Variants in FSTL4 observed in about 807,000 individuals in gnomAD.
The protein encoded by FSTL4 is follistatin-related protein 4.
In FSTL4, 28 loss-of-function variants were observed where a neutral mutation model predicts 78.2. That is an observed-to-expected ratio of 0.36 (90% CI 0.27 to 0.49). The LOEUF (loss-of-function observed/expected upper bound fraction) is 0.49. Ranked by LOEUF, FSTL4 falls within the 20% of genes least tolerant of loss-of-function variation. The probability of loss-of-function intolerance (pLI) is 0.98; values close to 1 mark genes in which losing one functional copy is unlikely to be tolerated. For synonymous variants in FSTL4, 422 were observed against 440.5 expected, an observed-to-expected ratio of 0.96 and a Z score of 0.53; for missense variants, 922 against 1,084.9, an observed-to-expected ratio of 0.85 and a Z score of 2.11.
chr5:133,571,416 G>C (rs892263006), intron 2 of FSTL4, among the ~76,000 whole-genome samples: 1 of 152,112 alleles, frequency 6.6e-6, no homozygotes, highest in Non-Finnish European at 1.5e-5. Flanking sequence ...AAATGGGATC[G>C]AATGGCTAAA....
At chr5:133,471,234 G>A (rs777773056) in intron 3 of FSTL4, among the ~76,000 whole-genome samples, 3 of 152,082 alleles carry the variant, frequency 2.0e-5, no homozygotes, top group Non-Finnish European at 2.9e-5. Flanking sequence ...TTGGAGGCAC[G>A]CACCTCAATT....
At chr5:133,303,139 T>C (rs948473848) in intron 6 of FSTL4, among the ~76,000 whole-genome samples, 6 of 152,246 alleles carry the variant, frequency 3.9e-5, no homozygotes, top group African/African-American at 1.4e-4. Context: ...ATTAGTCCTG[T>C]GGCCTCTGAC....
intron 4 of FSTL4, among the ~76,000 whole-genome samples, chr5:133,353,395 T>C (rs1754872178): frequency 6.6e-6 from 1 of 152,234 alleles, no homozygotes; most frequent in Non-Finnish European, 1.5e-5. Flanking sequence ...AAGGTCTGCA[T>C]GTGGGCTGGA....
the FSTL4 span, among the ~76,000 whole-genome samples, chr5:133,763,105 C>T: frequency 1.3e-5 from 2 of 152,346 alleles, no homozygotes; most frequent in South Asian, 4.1e-4. Context: ...CCTAGGAATG[C>T]TGAGAACCAC....
chr5:133,447,074 C>A lies in FSTL4; in HGVS notation c.161-46088G>T, dbSNP rs540693634. Reference sequence around the variant, plus strand: ...CCCCTGCCGATGCTCTGAGGCCACCCATGTGCTGTGATGTCAGGGCAGCAG... The same window carrying A: ...CCCCTGCCGATGCTCTGAGGCCACCAATGTGCTGTGATGTCAGGGCAGCAG... On this transcript the variant is annotated intron_variant, in intron 3 of 15. Transcript: ENST00000265342. 9.2e-5 allele frequency among the ~76,000 whole-genome samples: 14 copies of A among 152,346 alleles called. No homozygotes were observed. In the East Asian group the frequency reaches 2.7e-3, roughly 29 times the overall value.
chr5:133,467,708 G>A (rs1050316650), intron 3 of FSTL4, among the ~76,000 whole-genome samples: 1 of 152,064 alleles, frequency 6.6e-6, no homozygotes, highest in African/African-American at 2.4e-5. Flanking sequence ...GCCAGGAGTA[G>A]AGGCTTGCAC....
the FSTL4 span, among the ~76,000 whole-genome samples, chr5:133,819,774 C>T: frequency 6.6e-6 from 1 of 152,178 alleles, no homozygotes; most frequent in African/African-American, 2.4e-5. Context: ...CTGAATGAAG[C>T]CTTGCACATA....
At chr5:133,572,300 G>A (rs1760174826) in intron 2 of FSTL4, among the ~76,000 whole-genome samples, 1 of 151,964 alleles carries the variant, frequency 6.6e-6, no homozygotes, top group African/African-American at 2.4e-5. Context: ...TGAAGTTCAG[G>A]GGTATATGTG....
At chr5:133,303,284 G>T (rs57663110) in intron 6 of FSTL4, among the ~76,000 whole-genome samples, 1 of 152,244 alleles carries the variant, frequency 6.6e-6, no homozygotes, top group African/African-American at 2.4e-5. Flanking sequence ...GAGCTGCTCA[G>T]GAAGGGCCAC....
Position 133,313,576 on chromosome 5 carries a change from GAA to G in FSTL4, c.604-801_604-800del, listed in dbSNP as rs1753838849. ...TGCTCGGAACTGAAGGTCTTGCAGG[GAA>G]AATGCTCAGAAGGAAATCTCAGAAG... On this transcript the variant is annotated intron_variant, in intron 5 of 15. Coordinates refer to ENST00000265342, the MANE Select transcript of FSTL4 (RefSeq NM_015082.2). 2.6e-5 allele frequency among the ~76,000 whole-genome samples: 4 copies of G among 152,128 alleles called. No individual in the cohort carries two copies. In the South Asian group the frequency reaches 8.3e-4, roughly 32 times the overall value.
At chr5:133,595,860 G>A (rs1760726661) in intron 2 of FSTL4, among the ~76,000 whole-genome samples, 1 of 152,242 alleles carries the variant, frequency 6.6e-6, no homozygotes. Context: ...CTCCAAAGCT[G>A]GCTAGGGAAC....
chr5:133,775,944 T>G, the FSTL4 span, among the ~76,000 whole-genome samples: 17 of 152,154 alleles, frequency 1.1e-4, no homozygotes, highest in Non-Finnish European at 2.2e-4. Flanking sequence ...CCCACTACCT[T>G]ATATGAAGGA....
At chr5:133,327,824 G>A (rs1435957284) in intron 4 of FSTL4, among the ~76,000 whole-genome samples, 1 of 152,178 alleles carries the variant, frequency 6.6e-6, no homozygotes, top group Non-Finnish European at 1.5e-5. Flanking sequence ...CAAGGTCCTG[G>A]GATCCTACAT....
the FSTL4 span, among the ~76,000 whole-genome samples, chr5:133,737,686 C>T: frequency 1.4e-5 from 2 of 145,598 alleles, no homozygotes; most frequent in Admixed American, 7.2e-5. Flanking sequence ...CTCACTACAA[C>T]CTCTACCTCC....
intron 5 of FSTL4, among the ~76,000 whole-genome samples, chr5:133,314,073 C>T (rs1753847126): frequency 6.6e-6 from 1 of 152,218 alleles, no homozygotes; most frequent in Admixed American, 6.5e-5. Context: ...CTCTGTTTAC[C>T]TGGAGCCATG....
intron 3 of FSTL4, among the ~76,000 whole-genome samples, chr5:133,424,123 C>T (rs1267876226): frequency 6.6e-6 from 1 of 152,178 alleles, no homozygotes; most frequent in African/African-American, 2.4e-5. Context: ...AGTGCCTGTC[C>T]CCAAGATTTC....
chr5:133,423,292 A>G (rs1756738096), intron 3 of FSTL4, among the ~76,000 whole-genome samples: 1 of 152,176 alleles, frequency 6.6e-6, no homozygotes, highest in Non-Finnish European at 1.5e-5. Flanking sequence ...CGTTGACATC[A>G]GCAGAAACTT....
At chr5:133,722,488 A>G in the FSTL4 span, among the ~76,000 whole-genome samples, 3 of 152,208 alleles carry the variant, frequency 2.0e-5, no homozygotes, top group South Asian at 4.1e-4. Flanking sequence ...CATTCAGACC[A>G]TGAATTGTTT....
intron 3 of FSTL4, among the ~76,000 whole-genome samples, chr5:133,563,649 G>A (rs1237038365): frequency 6.6e-6 from 1 of 152,244 alleles, no homozygotes; most frequent in African/African-American, 2.4e-5. Flanking sequence ...GGCACTCTGA[G>A]GAAGCTCTGC....
Sources: allele counts gnomAD v4.1 joint callset (sites outside exome capture counted in the v4.1 genomes callset), GRCh38; gene constraint gnomAD v4.1.1; transcripts MANE v1.5; gene names NCBI Gene and HGNC (gene_info 2026-07-23, HGNC 2026-07-21).